ACADM: variants seen among roughly 807,000 people sequenced by gnomAD.
The protein encoded by ACADM is acyl-CoA dehydrogenase medium chain, also known as medium-chain specific acyl-CoA dehydrogenase, mitochondrial.
In ACADM, 49 loss-of-function variants were observed where a neutral mutation model predicts 58.9. The observed-to-expected ratio is 0.83, with a 90% CI of 0.66 to 1.06. The LOEUF (loss-of-function observed/expected upper bound fraction) is 1.06, where lower values mean the gene tolerates loss of function less well. Ranked by LOEUF, ACADM falls within the 50% of genes least tolerant of loss-of-function variation. ACADM has a pLI of 0.00. For missense variants in ACADM, 496 were observed against 507.0 expected, an observed-to-expected ratio of 0.98 and a Z score of 0.21; for synonymous variants, 160 against 157.7, an observed-to-expected ratio of 1.01 and a Z score of -0.11.
At chr1:75,728,118 A>G (rs1647084809) in intron 1 of ACADM, among the ~76,000 whole-genome samples, 1 of 152,168 alleles carries the variant, frequency 6.6e-6, no homozygotes, top group East Asian at 1.9e-4. Flanking sequence ...TACATCTACT[A>G]CTACCCTTGA....
intron 10 of ACADM, among the ~76,000 whole-genome samples, chr1:75,756,800 C>T (rs1354454365): frequency 6.6e-6 from 1 of 152,190 alleles, no homozygotes; most frequent in African/African-American, 2.4e-5. Context: ...TGCTACCTGA[C>T]TTCAAACTAT....
intron 6 of ACADM, among the ~76,000 whole-genome samples, chr1:75,736,033 A>G (rs1647250483): frequency 6.6e-6 from 1 of 152,160 alleles, no homozygotes; most frequent in Non-Finnish European, 1.5e-5. Context: ...GTGAACCTGT[A>G]ACTGAAGAAA....
At chr1:75,759,656 CTT>C (rs34394777) in intron 10 of ACADM, among the ~76,000 whole-genome samples, 6,648 of 87,796 alleles carry the variant, frequency 0.076, 237 homozygotes, top group African/African-American at 0.16. Context: ...TAGCAACTTT[CTT>C]TTTTTTTTTT....
intron 10 of ACADM, among the ~76,000 whole-genome samples, chr1:75,760,290 T>A (rs901864257): frequency 8.4e-5 from 11 of 131,724 alleles, no homozygotes; most frequent in Non-Finnish European, 1.4e-4. Flanking sequence ...AAAAGCCTGG[T>A]GTGGTGGCAC....
intron 6 of ACADM, among the ~76,000 whole-genome samples, chr1:75,736,309 ATTAG>A (rs1238748034): frequency 1.3e-5 from 2 of 152,168 alleles, no homozygotes; most frequent in Non-Finnish European, 2.9e-5. Context: ...CAGTAGATGT[ATTAG>A]TTTTGAGCTA....
intron 6 of ACADM, among the ~76,000 whole-genome samples, chr1:75,736,222 G>A (rs971220589): frequency 2.1e-5 from 3 of 143,752 alleles, no homozygotes; most frequent in African/African-American, 8.6e-5. Flanking sequence ...TTCTGAAACT[G>A]TTGTTTACCT....
In ACADM at chr1:75,737,740, G is replaced by A. The variant is rs191649878; in HGVS notation, c.469-2240G>A. ...GAAACAGCATCATTTGCGAGCATCTGTTATCATTAGAAAAATATTTTGGAT... is the reference window on the plus strand; with the variant it reads ...GAAACAGCATCATTTGCGAGCATCTATTATCATTAGAAAAATATTTTGGAT... On this transcript the variant is annotated intron_variant, in intron 6 of 11. Transcript: ENST00000370841. 2.1e-3 allele frequency among the ~76,000 whole-genome samples: 313 copies of A among 151,986 alleles called. 2 individuals are homozygous for A. The highest frequency in any genetic ancestry group is 7.0e-3 in the African/African-American group (292 of 41,466).
chr1:75,745,323 C>T (rs555389403), intron 7 of ACADM, among the ~76,000 whole-genome samples: 1 of 151,858 alleles, frequency 6.6e-6, no homozygotes, highest in Non-Finnish European at 1.5e-5. Flanking sequence ...TTCATCCCTA[C>T]AAAAAATAAA....
intron 11 of ACADM, 119 bp from the exon 12 acceptor site, chr1:75,762,573 T>C: frequency 2.9e-6 from 2 of 688,898 alleles, no homozygotes; most frequent in South Asian, 1.6e-5. Flanking sequence ...ACAGACCCTA[T>C]ATATGGTTTG....
At position 75,749,524 on chromosome 1, in the gene ACADM, GTTGCAATGGGAGC is replaced by G. The variant is rs875989872; in HGVS notation, c.817_829del (p.Ala273LeufsTer7). ...AATTGGTGACGGAGCTGGTTTCAAAGTTGCAATGGGAGCTTTTGATAAAACCAGACCTGTAGTA... is the reference window on the plus strand; with the variant it reads ...AATTGGTGACGGAGCTGGTTTCAAAGTTTTGATAAAACCAGACCTGTAGTA... On this transcript the variant is annotated frameshift_variant, in exon 9 of 12. Coordinates refer to ENST00000370841, the MANE Select transcript of ACADM (RefSeq NM_000016.6). LOFTEE classifies it high-confidence loss of function. The G allele has an allele frequency of 1.9e-6, 3 of 1,613,946 alleles. No homozygotes were observed. The highest frequency in any genetic ancestry group is 1.7e-6 in the Non-Finnish European group (2 of 1,179,996).
At chr1:75,739,835 T>G in intron 6 of ACADM, 145 bp from the exon 7 acceptor site, 1 of 587,362 alleles carries the variant, frequency 1.7e-6, no homozygotes, top group Admixed American at 3.8e-5. Flanking sequence ...TTGAGTGGTT[T>G]CTTTGATTTT....
chr1:75,738,523 C>T (rs982780055), intron 6 of ACADM, among the ~76,000 whole-genome samples: 18 of 152,126 alleles, frequency 1.2e-4, no homozygotes, highest in Admixed American at 8.5e-4. Context: ...GCCACCACGC[C>T]CGGCCCTAAG....
chr1:75,763,279 C>A lies in ACADM; in HGVS notation c.*516C>A, dbSNP rs1648948396. The A allele has an allele frequency of 6.6e-6, 1 of 152,220 alleles. No individual in the cohort carries two copies. The highest frequency in any genetic ancestry group is 2.4e-5 in the African/African-American group (1 of 41,446). 9.4% of individuals were successfully genotyped at this position (152,220 alleles called of 1,614,324 possible). A position where few individuals can be genotyped will look rare whatever the true frequency, so the allele number is the denominator to read the frequency against. ...CAGTCAAAATTTTGACATTCATATTCTCCTATTTTACAGCTACAAGAACTT... is the reference window on the plus strand; with the variant it reads ...CAGTCAAAATTTTGACATTCATATTATCCTATTTTACAGCTACAAGAACTT... On this transcript the variant is annotated 3_prime_UTR_variant, in exon 12 of 12. Coordinates refer to ENST00000370841, the MANE Select transcript of ACADM (RefSeq NM_000016.6).
Position 75,724,795 on chromosome 1 carries a change from C to A in ACADM, c.8C>A (p.Ala3Glu). 2 of 1,519,800 alleles carry A rather than the reference C, an allele frequency of 1.3e-6. No homozygotes were observed. Among genetic ancestry groups the A allele is most frequent in the Non-Finnish European group, 8.8e-7 (1 of 1,131,460 alleles). The allele number at this position is 1,519,800 out of a possible 1,614,324, so 94.1% of individuals were successfully genotyped here. A position where few individuals can be genotyped will look rare whatever the true frequency, so the allele number is the denominator to read the frequency against. Residue 3 changes from alanine to glutamate, a missense_variant, in exon 1 of 12, where the codon GCG becomes GAG. Ala to Glu is a moderately radical substitution (Grantham distance 107). Coordinates refer to ENST00000370841, the MANE Select transcript of ACADM (RefSeq NM_000016.6). MAAGFGRCCRVLR... is the reference protein window; with the variant it reads MAEGFGRCCRVLR... ...GCCGGAACGGGAGCCAACATGGCAG[C>A]GGGGTTCGGGCGATGCTGCAGGGTG...
At chr1:75,734,250 G>A (rs1185369239) in intron 5 of ACADM, among the ~76,000 whole-genome samples, 2 of 142,112 alleles carry the variant, frequency 1.4e-5, no homozygotes, top group Non-Finnish European at 3.0e-5. Flanking sequence ...TGCAAGCTCC[G>A]CCTCCCAGGT....
intron 6 of ACADM, among the ~76,000 whole-genome samples, chr1:75,738,165 C>G (rs7539246): frequency 0.25 from 37,744 of 151,812 alleles, 5,016 homozygotes; most frequent in Non-Finnish European, 0.3. Flanking sequence ...ATCTGCCCAC[C>G]TTGGCCTCCC....
Position 75,761,298 on chromosome 1 carries a change from G to C in ACADM, c.1122G>C (p.Gln374His). The change falls in exon 11 of 12, where the codon CAG becomes CAC. Residue 374 changes from glutamine to histidine, a missense_variant. Transcript: ENST00000370841. ...ATCAGTTAGCTACTGATGCTGTGCA[G>C]ATACTTGGAGGCAATGGATTTAATA... ...IANQLATDAVQILGGNGFNTE... is the reference protein window; with the variant it reads ...IANQLATDAVHILGGNGFNTE... 1 of 1,614,068 alleles carries C rather than the reference G, an allele frequency of 6.2e-7. No homozygotes were observed. Among genetic ancestry groups the C allele is most frequent in the Non-Finnish European group, 8.5e-7 (1 of 1,179,914 alleles).
intron 10 of ACADM, among the ~76,000 whole-genome samples, chr1:75,758,180 A>G (rs1349500780): frequency 2.0e-5 from 3 of 151,934 alleles, no homozygotes; most frequent in East Asian, 1.9e-4. Context: ...CTCCTCCCTC[A>G]GCCTCCCACA....
At chr1:75,749,741 T>A (rs1356514756) in intron 9 of ACADM, among the ~76,000 whole-genome samples, 182 bp downstream of exon 9, 2 of 140,386 alleles carry the variant, frequency 1.4e-5, no homozygotes, top group East Asian at 2.0e-4. Flanking sequence ...TGAGACAGAG[T>A]CTCACTCTGT....
Sources: allele counts gnomAD v4.1 joint callset (sites outside exome capture counted in the v4.1 genomes callset), GRCh38; gene constraint gnomAD v4.1.1; transcripts MANE v1.5; gene names NCBI Gene and HGNC (gene_info 2026-07-23, HGNC 2026-07-21).